ADD1: variants seen among roughly 807,000 people sequenced by gnomAD.
The protein encoded by ADD1 is alpha-adducin.
Under a neutral mutation model 80.5 loss-of-function variants are expected in ADD1, and 24 were observed. The observed-to-expected ratio is 0.30, with a 90% CI of 0.22 to 0.42. The LOEUF (loss-of-function observed/expected upper bound fraction) is 0.42, where lower values mean the gene tolerates loss of function less well. Ranked by LOEUF, ADD1 falls within the 10% of genes least tolerant of loss-of-function variation. The pLI, the probability that ADD1 is intolerant of heterozygous loss-of-function variation, is 1.00. For missense variants in ADD1, 948 were observed against 1,019.0 expected (o/e 0.93, Z 0.95); for synonymous variants, 373 against 393.8 (o/e 0.95, Z 0.63).
At chr4:2,919,616 A>G (rs910922957) in intron 14 of ADD1, among the ~76,000 whole-genome samples, 3 of 151,996 alleles carry the variant, frequency 2.0e-5, no homozygotes, top group African/African-American at 7.3e-5. Flanking sequence ...TTTCTAGTTT[A>G]TTTGCGTAGA....
intron 1 of ADD1, among the ~76,000 whole-genome samples, chr4:2,851,918 C>T (rs575082686): frequency 1.4e-4 from 22 of 151,882 alleles, no homozygotes; most frequent in South Asian, 2.1e-4. Context: ...CTCGGCTCAC[C>T]GCAACCTCCG....
intron 1 of ADD1, among the ~76,000 whole-genome samples, chr4:2,848,377 C>T (rs1469710299): frequency 6.6e-6 from 1 of 152,134 alleles, no homozygotes; most frequent in Non-Finnish European, 1.5e-5. Context: ...CTTAATTTTT[C>T]TAGAAGTACC....
chr4:2,882,643 G>A lies in ADD1; in HGVS notation c.358+583G>A, dbSNP rs564260603. ...GTTGGATAGTCAAATCTGATTGCCC[G>A]AAATAAGGTACTGGTTTCTGTTAGA... On this transcript the variant is annotated intron_variant, in intron 3 of 15. Coordinates refer to ENST00000683351, the MANE Select transcript of ADD1 (RefSeq NM_001354761.2). Among the ~76,000 whole-genome samples, 5 of 152,310 alleles carry A rather than the reference G, an allele frequency of 3.3e-5. No individual in the cohort carries two copies. In the East Asian group the frequency reaches 5.8e-4, roughly 18 times the overall value.
At chr4:2,852,030 G>A (rs992371645) in intron 1 of ADD1, among the ~76,000 whole-genome samples, 10 of 151,980 alleles carry the variant, frequency 6.6e-5, no homozygotes, top group Non-Finnish European at 1.3e-4. Context: ...GTAGAGACGG[G>A]GTTTCCCCAT....
intron 1 of ADD1, among the ~76,000 whole-genome samples, chr4:2,875,623 G>T (rs897043692): frequency 6.6e-6 from 1 of 152,230 alleles, no homozygotes; most frequent in Non-Finnish European, 1.5e-5. Flanking sequence ...TTTGTCAGAG[G>T]ACTTAATTGC....
chr4:2,894,637 T>G lies in ADD1; in HGVS notation c.647T>G (p.Val216Gly), dbSNP rs1734879200. 6.2e-7 allele frequency: 1 copy of G among 1,610,032 alleles called. No individual in the cohort carries two copies. The highest frequency in any genetic ancestry group is 8.5e-7 in the Non-Finnish European group (1 of 1,178,836). Residue 216 changes from valine to glycine, a missense_variant, in exon 6 of 16, where the codon GTG (valine) becomes GGG (glycine). By Grantham distance (109) the Val-to-Gly change is moderately radical (BLOSUM62 -3). Coordinates refer to ENST00000683351, the MANE Select transcript of ADD1 (RefSeq NM_001354761.2). ...IVDRGSTNLG[V>G]NQAGFTLHSA... is the part of the protein sequence containing the mutation. ...GATCGTGGAAGCACTAATCTGGGAGTGAATCAGGCCGGCTTCACCTTACAC... is the reference window on the plus strand; with the variant it reads ...GATCGTGGAAGCACTAATCTGGGAGGGAATCAGGCCGGCTTCACCTTACAC...
At position 2,923,303 on chromosome 4, in the gene ADD1, C is replaced by T. The variant is rs192529372; in HGVS notation, c.1949-2711C>T. ...AGGGAATTTCCTGGTCTGTGGATTG[C>T]GAAGACCGTGGGAAAAGCGTAGTAT... On this transcript the variant is annotated intron_variant, in intron 14 of 15. Transcript: ENST00000683351. Among the ~76,000 whole-genome samples, 169 of 152,326 alleles carry T rather than the reference C, an allele frequency of 1.1e-3. 1 individual carries two copies. Among genetic ancestry groups the T allele is most frequent in the Admixed American group, 3.6e-3 (55 of 15,308 alleles).
intron 4 of ADD1, among the ~76,000 whole-genome samples, chr4:2,892,543 G>T (rs1415715963): frequency 6.6e-6 from 1 of 152,092 alleles, no homozygotes; most frequent in South Asian, 2.1e-4. Flanking sequence ...TTAAGAAATG[G>T]ATTATGGTGG....
chr4:2,921,016 T>TGCTTCA (rs1446790040), intron 14 of ADD1, among the ~76,000 whole-genome samples: 10 of 152,222 alleles, frequency 6.6e-5, no homozygotes, highest in Non-Finnish European at 1.2e-4. Context: ...CAGGTGCTAT[T>TGCTTCA]GTAAGGCAGG....
At chr4:2,891,465 A>T (rs953474350) in intron 4 of ADD1, among the ~76,000 whole-genome samples, 4 of 152,004 alleles carry the variant, frequency 2.6e-5, no homozygotes, top group African/African-American at 9.7e-5. Context: ...AAAAAAAAAG[A>T]TAAAGGAGCT....
intron 4 of ADD1, among the ~76,000 whole-genome samples, chr4:2,893,425 C>T (rs1734640448): frequency 6.6e-6 from 1 of 152,048 alleles, no homozygotes. Flanking sequence ...CCAGCCTGGC[C>T]AGCATGGCGA....
chr4:2,891,415 C>G (rs1337351218), intron 4 of ADD1, among the ~76,000 whole-genome samples: 1 of 151,786 alleles, frequency 6.6e-6, no homozygotes, highest in African/African-American at 2.4e-5. Flanking sequence ...CCCCTGCACT[C>G]CAGCCTGGGT....
chr4:2,918,695 C>A (rs1234713107), intron 14 of ADD1, among the ~76,000 whole-genome samples: 1 of 152,134 alleles, frequency 6.6e-6, no homozygotes, highest in East Asian at 1.9e-4. Context: ...TCCATCAATA[C>A]CTAGTTTATT....
In ADD1 at chr4:2,894,522, AAAAG is replaced by A. The variant is rs1350220885; in HGVS notation, c.592-56_592-53del. The A allele has an allele frequency of 1.4e-4, 206 of 1,504,326 alleles. No individual in the cohort carries two copies. The African/African-American group carries it at 2.1e-3, about 15-fold the overall frequency. 93.2% of individuals were successfully genotyped at this position (1,504,326 alleles called of 1,614,324 possible). ...CCAGACCCTATCAAAAAAAAAAAAAAAAAGAAAAGAAAAAATGAAGTCCTCTTGG... is the reference window on the plus strand; with the variant it reads ...CCAGACCCTATCAAAAAAAAAAAAAAAAAAGAAAAAATGAAGTCCTCTTGG... On this transcript the variant is annotated intron_variant, in intron 5 of 15. Transcript: ENST00000683351.
At position 2,929,780 on chromosome 4, in the gene ADD1, C is replaced by T. The variant is rs1035290514; in HGVS notation, c.*1257C>T. 3.9e-4 allele frequency: 59 copies of T among 152,516 alleles called. No homozygotes were observed. The highest frequency in any genetic ancestry group is 1.2e-3 in the African/African-American group (48 of 41,474). The allele number at this position is 152,516 out of a possible 1,614,324, so 9.4% of individuals were successfully genotyped here. A position where few individuals can be genotyped will look rare whatever the true frequency, so the allele number is the denominator to read the frequency against. ...TGGCACTGACCGCCGCTTCCAGCTT[C>T]CTCTGAGCCGCAGGGCCTGCTACGC... On this transcript the variant is annotated 3_prime_UTR_variant, in exon 16 of 16. Transcript: ENST00000683351.
At chr4:2,898,162 A>G (rs773882600) in intron 6 of ADD1, 22 bp from the exon 7 acceptor site, 5 of 1,596,350 alleles carry the variant, frequency 3.1e-6, no homozygotes, top group Non-Finnish European at 3.4e-6. Context: ...TTCCTTCTTC[A>G]TGGCGACCAT....
chr4:2,851,006 G>A (rs1384412096), intron 1 of ADD1, among the ~76,000 whole-genome samples: 4 of 152,304 alleles, frequency 2.6e-5, no homozygotes, highest in East Asian at 1.9e-4. Flanking sequence ...ATGTTATAAC[G>A]TTAGATTGTG....
intron 2 of ADD1, among the ~76,000 whole-genome samples, chr4:2,879,658 T>C (rs757400498): frequency 3.3e-5 from 5 of 152,120 alleles, no homozygotes; most frequent in African/African-American, 4.8e-5. Context: ...AGTCTCACTC[T>C]GTCGCCCAGG....
At chr4:2,864,179 G>A (rs1729207112) in intron 1 of ADD1, among the ~76,000 whole-genome samples, 2 of 152,188 alleles carry the variant, frequency 1.3e-5, no homozygotes, top group South Asian at 2.1e-4. Context: ...TTGGGAGGCC[G>A]AGGTGGGCAG....
Sources: allele counts gnomAD v4.1 joint callset (sites outside exome capture counted in the v4.1 genomes callset), GRCh38; gene constraint gnomAD v4.1.1; transcripts MANE v1.5; gene names NCBI Gene and HGNC (gene_info 2026-07-23, HGNC 2026-07-21).